KALRN: variants seen among roughly 807,000 people sequenced by gnomAD.
KALRN encodes the protein kalirin RhoGEF kinase, also known as kalirin.
A neutral mutation model predicts 353.7 loss-of-function variants in KALRN; 70 were observed. The ratio of observed to expected loss-of-function variants is 0.20; its 90% CI spans 0.16 to 0.24. The LOEUF (loss-of-function observed/expected upper bound fraction) is 0.24. KALRN is among the 10% of genes least tolerant of loss of function. KALRN has a pLI of 1.00. For synonymous variants in KALRN, 1,391 were observed against 1,434.8 expected, an observed-to-expected ratio of 0.97 and a Z score of 0.69; for missense variants, 2,791 against 3,756.7, an observed-to-expected ratio of 0.74 and a Z score of 6.72.
intron 57 of KALRN, among the ~76,000 whole-genome samples, chr3:124,705,822 C>CCCTTCCTTCCTTCCTT (rs373858046): frequency 2.6e-3 from 370 of 144,760 alleles, no homozygotes; most frequent in African/African-American, 9.5e-3. Flanking sequence ...CTTCCTTCCT[C>CCCTTCCTTCCTTCCTT]CCTTCCTTCC....
intron 10 of KALRN, among the ~76,000 whole-genome samples, chr3:124,372,922 T>TTAGTGGTTTCAATGGTA: frequency 6.6e-6 from 1 of 152,294 alleles, no homozygotes; most frequent in African/African-American, 2.4e-5. Flanking sequence ...CAATGGTAGA[T>TTAGTGGTTTCAATGGTA]GAGTGGCTAC....
chr3:124,445,254 C>T (rs973895036), intron 19 of KALRN, among the ~76,000 whole-genome samples: 9 of 152,178 alleles, frequency 5.9e-5, no homozygotes, highest in African/African-American at 2.2e-4. Context: ...CTTCCACATA[C>T]TGAGTATGTG....
In KALRN at chr3:124,659,409, C is replaced by T. The variant is rs778745851; in HGVS notation, c.6168C>T (p.Phe2056=). ...ATCAGAGGCTGACACTGAGTGACTT[C>T]CTCATCAAGCCCATTCAGAGAATAA... ...EINQRLTLSD[F]LIKPIQRITK... is the part of the protein sequence containing the mutation. Residue 2056 remains phenylalanine (F), a synonymous_variant, in exon 43 of 60, where the codon TTC becomes TTT. Coordinates refer to ENST00000682506, the MANE Select transcript of KALRN (RefSeq NM_001388419.1). 4.3e-6 allele frequency: 7 copies of T among 1,613,904 alleles called. No individual in the cohort carries two copies. The highest frequency in any genetic ancestry group is 1.7e-5 in the Admixed American group (1 of 60,018).
At chr3:124,382,104 G>A (rs1376079053) in intron 10 of KALRN, among the ~76,000 whole-genome samples, 2 of 152,132 alleles carry the variant, frequency 1.3e-5, no homozygotes, top group Admixed American at 6.5e-5. Context: ...ACTTTGGCCC[G>A]AAATTCTTTG....
rs757774579 is a variant in KALRN at position 124,413,707 on chromosome 3, A to G, written c.2542+42A>G. 9.9e-6 allele frequency: 15 copies of G among 1,522,838 alleles called. No homozygotes were observed. The South Asian group carries it at 1.5e-4, about 15-fold the overall frequency. The allele number at this position is 1,522,838 out of a possible 1,614,324, so 94.3% of individuals were successfully genotyped here. ...ATTCTCCTGGCAGAGGAGATGATGA[A>G]AACAAGCATACCATCTAGCCTGCAA... On this transcript the variant is annotated intron_variant, in intron 14 of 59. Coordinates refer to ENST00000682506, the MANE Select transcript of KALRN (RefSeq NM_001388419.1).
intron 33 of KALRN, among the ~76,000 whole-genome samples, chr3:124,526,762 A>G (rs1202839040): frequency 1.3e-5 from 2 of 152,122 alleles, no homozygotes; most frequent in African/African-American, 2.4e-5. Context: ...TCCCTCCACT[A>G]TCAGAGACTA....
chr3:124,441,952 C>T lies in KALRN; in HGVS notation c.3206C>T (p.Thr1069Ile). ...EQKEAFLKAC[T>I]LARRNAEVFL... Reference sequence around the variant, plus strand: ...CAGCTTTGTCTTTCGCAGGCCTGCACCCTGGCTCGGCGGAATGCTGAGGTG... The same window carrying T: ...CAGCTTTGTCTTTCGCAGGCCTGCATCCTGGCTCGGCGGAATGCTGAGGTG... The change falls in exon 19 of 60, where the codon ACC becomes ATC. Residue 1069 changes from threonine (T) to isoleucine (I), a missense_variant. Around this residue, in one of 11 missense-constraint regions of KALRN, gnomAD observed 268 missense variants for 347.0 expected, o/e 0.77. Coordinates refer to ENST00000682506, the MANE Select transcript of KALRN (RefSeq NM_001388419.1). 1 of 1,586,794 alleles carries T rather than the reference C, an allele frequency of 6.3e-7. No homozygotes were observed.
At chr3:124,165,552 C>G (rs531728315) in intron 1 of KALRN, among the ~76,000 whole-genome samples, 1 of 152,338 alleles carries the variant, frequency 6.6e-6, no homozygotes, top group African/African-American at 2.4e-5. Flanking sequence ...TCATGTTTCA[C>G]ACATGTCATT....
At chr3:124,613,260 CA>C (rs1356062624) in intron 34 of KALRN, among the ~76,000 whole-genome samples, 12 of 152,180 alleles carry the variant, frequency 7.9e-5, no homozygotes, top group African/African-American at 2.7e-4. Flanking sequence ...TGACACAGCC[CA>C]TACCTCTCCT....
intron 31 of KALRN, 82 bp downstream of exon 31, chr3:124,491,506 G>C: frequency 9.9e-7 from 1 of 1,011,090 alleles, no homozygotes; most frequent in East Asian, 2.8e-5. Context: ...TCAAAGCTAA[G>C]GCCCAGAGAC....
intron 34 of KALRN, among the ~76,000 whole-genome samples, chr3:124,581,056 C>T (rs1481380714): frequency 1.3e-5 from 2 of 152,132 alleles, no homozygotes; most frequent in African/African-American, 4.8e-5. Context: ...CAATGGGACT[C>T]TTGGGTTATT....
chr3:124,108,677 G>A (rs1315288142), intron 1 of KALRN, among the ~76,000 whole-genome samples: 1 of 152,094 alleles, frequency 6.6e-6, no homozygotes, highest in Non-Finnish European at 1.5e-5. Context: ...CATCAGCCTG[G>A]GACTGTGAGT....
chr3:124,279,825 A>G (rs763817168), intron 5 of KALRN, among the ~76,000 whole-genome samples: 6 of 152,246 alleles, frequency 3.9e-5, no homozygotes, highest in Non-Finnish European at 5.9e-5. Flanking sequence ...AGGTAAGTTC[A>G]CAACGGTGTC....
At chr3:124,700,929 G>A (rs1354376849) in intron 56 of KALRN, among the ~76,000 whole-genome samples, 1 of 152,176 alleles carries the variant, frequency 6.6e-6, no homozygotes, top group Admixed American at 6.5e-5. Flanking sequence ...GTTCCCACGA[G>A]CCTGTGACTC....
chr3:124,085,300 C>G (rs1449618418), intron 1 of KALRN, among the ~76,000 whole-genome samples: 1 of 152,142 alleles, frequency 6.6e-6, no homozygotes, highest in African/African-American at 2.4e-5. Flanking sequence ...CAGTCACTGC[C>G]CCTTGGTTAG....
chr3:124,068,107 T>C (rs2042528980), intron 1 of KALRN, among the ~76,000 whole-genome samples: 1 of 152,200 alleles, frequency 6.6e-6, no homozygotes, highest in South Asian at 2.1e-4. Flanking sequence ...CCTGAGTGGC[T>C]AGTCTGAAAA....
intron 1 of KALRN, among the ~76,000 whole-genome samples, chr3:124,147,812 TG>T (rs1473840191): frequency 7.2e-5 from 11 of 152,208 alleles, no homozygotes; most frequent in Non-Finnish European, 1.5e-4. Flanking sequence ...AAGGGACTGT[TG>T]TGAGCTTTTT....
Position 124,331,937 on chromosome 3 carries a change from C to T in KALRN, c.1416+1945C>T, listed in dbSNP as rs183335259. On this transcript the variant is annotated intron_variant, in intron 8 of 59. Transcript: ENST00000682506. ...GGTGGATTTCTAGGACTTGGGACTC[C>T]ATCTCTAACTGCCCTACCCTGGACA... is the stretch of plus-strand genomic sequence containing the variant. 4.6e-5 allele frequency among the ~76,000 whole-genome samples: 7 copies of T among 152,270 alleles called. 1 individual carries two copies. Among genetic ancestry groups the T allele is most frequent in the Admixed American group, 3.9e-4 (6 of 15,304 alleles).
intron 10 of KALRN, among the ~76,000 whole-genome samples, chr3:124,348,135 A>G (rs1242124480): frequency 6.6e-6 from 1 of 152,184 alleles, no homozygotes; most frequent in African/African-American, 2.4e-5. Flanking sequence ...CTGCCATGTA[A>G]AACAAAATAA....
Sources: gnomAD v4.1 joint callset for allele counts (sites outside exome capture counted in the v4.1 genomes callset) on GRCh38, gnomAD v4.1.1 for gene constraint, gnomAD v4.1.1 regional missense constraint, MANE v1.5 for transcripts, NCBI Gene and HGNC (gene_info 2026-07-23, HGNC 2026-07-21) for gene names.